The following PDCD6IP variants were observed in gnomAD, a reference collection of about 807,000 sequenced individuals.
The protein encoded by PDCD6IP is programmed cell death 6-interacting protein.
PDCD6IP carries 43 observed loss-of-function variants against 103.7 expected under a neutral mutation model. The ratio of observed to expected loss-of-function variants is 0.41; its 90% confidence interval spans 0.32 to 0.53. The LOEUF is 0.53. PDCD6IP is among the 20% of genes least tolerant of loss of function. The pLI is 0.16. For missense variants in PDCD6IP, 871 were observed against 1,036.7 expected, an observed-to-expected ratio of 0.84 and a Z score of 2.20; for synonymous variants, 354 against 378.7, an observed-to-expected ratio of 0.93 and a Z score of 0.76.
chr3:33,813,714 C>T (rs1240577711), intron 3 of PDCD6IP, 86 bp downstream of exon 3: 1 of 770,250 alleles, frequency 1.3e-6, no homozygotes. Flanking sequence ...ATCCTAATGA[C>T]TCTTTGTAAA....
chr3:33,856,881 C>T (rs1697841304), intron 15 of PDCD6IP, among the ~76,000 whole-genome samples: 1 of 151,928 alleles, frequency 6.6e-6, no homozygotes, highest in Admixed American at 6.6e-5. Flanking sequence ...GATTTTATAT[C>T]CAGACTGTCT....
intron 9 of PDCD6IP, among the ~76,000 whole-genome samples, chr3:33,840,408 G>A (rs1697442962): frequency 6.6e-6 from 1 of 152,146 alleles, no homozygotes; most frequent in Non-Finnish European, 1.5e-5. Context: ...CAGGTACACG[G>A]ACTCATGTAG....
rs1041399878 is a variant in PDCD6IP, at chr3:33,819,351, A to C, written c.335-2604A>C. On this transcript the variant is annotated intron_variant, in intron 3 of 17. Coordinates refer to ENST00000307296, the MANE Select transcript of PDCD6IP (RefSeq NM_013374.6). ...GTACTGTCTTTGAATCTCTTTAAGG[A>C]ATGCTAATTGTGATATTTGGAATAT... Among the ~76,000 whole-genome samples the C allele has an allele frequency of 6.6e-5, 10 of 152,262 alleles. No homozygotes were observed. The East Asian group carries it at 1.7e-3, about 26-fold the overall frequency.
At position 33,826,531 on chromosome 3, in the gene PDCD6IP, A is replaced by G. The variant is rs1697128227; in HGVS notation, c.668A>G (p.Tyr223Cys). The change falls in exon 6 of 18, where the codon TAT becomes TGT. Residue 223 changes from tyrosine (Y) to cysteine (C), a missense_variant. This residue lies in a region of PDCD6IP where 242 missense variants were observed against 250.7 expected (regional missense o/e 0.97). Coordinates refer to ENST00000307296, the MANE Select transcript of PDCD6IP (RefSeq NM_013374.6). ...AAATTGGCTAATCAGGCTGCAGATT[A>G]TTTTGGTGATGCTTTCAAACAGTGT... ...IAKLANQAAD[Y>C]FGDAFKQCQY... 6.2e-7 allele frequency: 1 copy of G among 1,612,490 alleles called. No individual in the cohort carries two copies. Among genetic ancestry groups the G allele is most frequent in the African/African-American group, 1.3e-5 (1 of 74,894 alleles).
At chr3:33,811,105 C>G (rs758504947) in intron 1 of PDCD6IP, 1 of 432,822 alleles carries the variant, frequency 2.3e-6, no homozygotes, top group Non-Finnish European at 4.7e-6. Context: ...AGGCTGGTCT[C>G]GAACTCTGGG....
chr3:33,803,766 G>C (rs1407323483), intron 1 of PDCD6IP, among the ~76,000 whole-genome samples: 1 of 151,882 alleles, frequency 6.6e-6, no homozygotes, highest in Non-Finnish European at 1.5e-5. Flanking sequence ...AAGGCTTTTT[G>C]GTTGGTTTTC....
chr3:33,829,028 A>G (rs1697190224), intron 7 of PDCD6IP, 59 bp downstream of exon 7: 2 of 1,399,850 alleles, frequency 1.4e-6, no homozygotes, highest in South Asian at 3.2e-5. Context: ...TTTTTTTCCT[A>G]GTGAGATTTC....
chr3:33,811,093 C>T (rs1333932246), intron 1 of PDCD6IP: 1 of 436,094 alleles, frequency 2.3e-6, no homozygotes, highest in Non-Finnish European at 4.6e-6. Context: ...GCTGTGTTTC[C>T]TAGGCTGGTC....
intron 15 of PDCD6IP, among the ~76,000 whole-genome samples, chr3:33,862,222 T>G (rs1160167400): frequency 1.3e-5 from 2 of 152,040 alleles, no homozygotes; most frequent in African/African-American, 2.4e-5. Flanking sequence ...TAAGCAGTTA[T>G]TTACTTAAGA....
At chr3:33,858,446 G>A (rs760670461) in intron 15 of PDCD6IP, among the ~76,000 whole-genome samples, 26 of 152,142 alleles carry the variant, frequency 1.7e-4, no homozygotes, top group Non-Finnish European at 2.8e-4. Flanking sequence ...TGATTGTACC[G>A]TAAATAGCCA....
intron 13 of PDCD6IP, 108 bp from the exon 14 acceptor site, chr3:33,853,771 G>A (rs1697769108): frequency 3.1e-6 from 3 of 973,016 alleles, no homozygotes; most frequent in East Asian, 3.4e-5. Flanking sequence ...TTTTGCATAT[G>A]TATTTAATTA....
chr3:33,843,594 A>G (rs1697521984), intron 10 of PDCD6IP, among the ~76,000 whole-genome samples: 1 of 152,212 alleles, frequency 6.6e-6, no homozygotes, highest in East Asian at 1.9e-4. Flanking sequence ...AGGGATTGTC[A>G]TACATTGTTG....
intron 6 of PDCD6IP, chr3:33,828,646 G>A (rs1442489728): frequency 1.9e-5 from 7 of 374,466 alleles, no homozygotes; most frequent in Non-Finnish European, 2.3e-5. Context: ...CCTTCAATTG[G>A]AAGAAAAAAA....
chr3:33,850,253 G>C (rs960184599), intron 12 of PDCD6IP, among the ~76,000 whole-genome samples: 1 of 152,100 alleles, frequency 6.6e-6, no homozygotes, highest in Non-Finnish European at 1.5e-5. Flanking sequence ...AGGGAGTATA[G>C]TCAGAGTTGA....
rs375207828 is a variant in PDCD6IP, at chr3:33,828,790, C to T, written c.718-63C>T. 1.2e-4 allele frequency: 183 copies of T among 1,587,940 alleles called. 1 individual carries two copies. In the African/African-American group the frequency reaches 2.3e-3, roughly 20 times the overall value. On this transcript the variant is annotated intron_variant, in intron 6 of 17. Transcript: ENST00000307296. Reference sequence around the variant, plus strand: ...CTTCTTTTCCTTTTTCTTCCTGCATCCCATGTTGTCTGTGGTGGTTTGTGT... The same window carrying T: ...CTTCTTTTCCTTTTTCTTCCTGCATTCCATGTTGTCTGTGGTGGTTTGTGT...
In PDCD6IP at chr3:33,867,320, A is replaced by G. The variant is rs1698087404; in HGVS notation, c.*795A>G. ...TGTGTATATTTAATGTTTTATTGTT[A>G]GCTTCTCCAGAAAATTGATGCAAAT... is the stretch of plus-strand genomic sequence containing the variant. On this transcript the variant is annotated 3_prime_UTR_variant, in exon 18 of 18. Transcript: ENST00000307296. The G allele has an allele frequency of 6.6e-6, 1 of 152,222 alleles. No individual in the cohort carries two copies. Among genetic ancestry groups the G allele is most frequent in the Non-Finnish European group, 1.5e-5 (1 of 68,020 alleles). The allele number at this position is 152,222 out of a possible 1,614,324, so 9.4% of individuals were successfully genotyped here. A position where few individuals can be genotyped will look rare whatever the true frequency, so the allele number is the denominator to read the frequency against.
intron 15 of PDCD6IP, among the ~76,000 whole-genome samples, chr3:33,857,188 T>G (rs1285586115): frequency 6.9e-6 from 1 of 144,348 alleles, no homozygotes; most frequent in Non-Finnish European, 1.5e-5. Flanking sequence ...TAAAAAAAGG[T>G]GATTTTTTTT....
chr3:33,841,600 G>A (rs372076824), intron 9 of PDCD6IP, among the ~76,000 whole-genome samples: 2 of 150,398 alleles, frequency 1.3e-5, no homozygotes, highest in East Asian at 2.0e-4. Context: ...CACCACGCCC[G>A]GCTAATTTTT....
chr3:33,836,196 A>G lies in PDCD6IP; in HGVS notation c.987A>G (p.Leu329=). The G allele has an allele frequency of 6.2e-7, 1 of 1,613,602 alleles. No individual in the cohort carries two copies. The highest frequency in any genetic ancestry group is 8.5e-7 in the Non-Finnish European group (1 of 1,179,496). ...YHDRVPDLKD[L]DPIGKATLVK... The stretch of plus-strand genomic sequence containing the variant: ...ATCGAGTTCCAGACCTTAAAGATCT[A>G]GATCCTATTGGCAAAGCCACACTTG... Residue 329 remains leucine, a synonymous_variant, in exon 8 of 18, where the codon CTA becomes CTG. Transcript: ENST00000307296.
Sources: gnomAD v4.1 joint callset for allele counts (sites outside exome capture counted in the v4.1 genomes callset) on GRCh38, gnomAD v4.1.1 for gene constraint, gnomAD v4.1.1 regional missense constraint, MANE v1.5 for transcripts, NCBI Gene and HGNC (gene_info 2026-07-23, HGNC 2026-07-21) for gene names.